UNC13C: variants seen among roughly 807,000 people sequenced by gnomAD.
The protein encoded by UNC13C is unc-13 homolog C.
A neutral mutation model predicts 245.4 loss-of-function variants in UNC13C; 174 were observed. The ratio of observed to expected loss-of-function variants is 0.71; its 90% CI spans 0.63 to 0.80. UNC13C has a LOEUF of 0.80. Ranked by LOEUF, UNC13C falls within the 30% of genes least tolerant of loss-of-function variation. The probability of loss-of-function intolerance (pLI) is 0.00; values close to 1 mark genes in which losing one functional copy is unlikely to be tolerated. For synonymous variants in UNC13C, 992 were observed against 895.1 expected (o/e 1.11, Z -1.93); for missense variants, 2,829 against 2,602.9 (o/e 1.09, Z -1.89).
At chr15:54,629,359 A>G (rs1901392055), downstream of UNC13C, 1 of 152,114 alleles carries the variant, frequency 6.6e-6, no homozygotes, top group Admixed American at 6.6e-5. Context: ...TGACAAAATA[A>G]TCTACACCAA....
chr15:54,584,328 A>G (rs1164435642), intron 30 of UNC13C, among the ~76,000 whole-genome samples: 2 of 152,244 alleles, frequency 1.3e-5, no homozygotes, highest in Non-Finnish European at 2.9e-5. Context: ...ATCTTGTAGT[A>G]TGCAGTTATG....
At chr15:54,146,257 G>A (rs1237537999) in intron 4 of UNC13C, among the ~76,000 whole-genome samples, 1 of 152,058 alleles carries the variant, frequency 6.6e-6, no homozygotes, top group Non-Finnish European at 1.5e-5. Context: ...TTGAAATACG[G>A]AGTCATTGCT....
chr15:54,040,088 C>G (rs1328819942), intron 2 of UNC13C, among the ~76,000 whole-genome samples: 1 of 152,010 alleles, frequency 6.6e-6, no homozygotes, highest in African/African-American at 2.4e-5. Flanking sequence ...CTTTCTTGTT[C>G]TTACTGCTGA....
chr15:54,050,861 G>T, intron 2 of UNC13C: 1 of 564,038 alleles, frequency 1.8e-6, no homozygotes, highest in Non-Finnish European at 3.6e-6. Flanking sequence ...TCTTAAAAGA[G>T]ATATCTTCAG....
chr15:54,355,923 A>G (rs1048541000), intron 17 of UNC13C, among the ~76,000 whole-genome samples: 2 of 152,170 alleles, frequency 1.3e-5, no homozygotes, highest in African/African-American at 4.8e-5. Context: ...ATATGTTTGT[A>G]TATATGAAGA....
At chr15:54,324,689 A>G (rs1567187863) in intron 14 of UNC13C, among the ~76,000 whole-genome samples, 1 of 152,050 alleles carries the variant, frequency 6.6e-6, no homozygotes, top group African/African-American at 2.4e-5. Flanking sequence ...AAGGTAAACT[A>G]TTTTGGGAAA....
chr15:54,156,665 G>T (rs2032760138), intron 4 of UNC13C, among the ~76,000 whole-genome samples: 1 of 151,920 alleles, frequency 6.6e-6, no homozygotes, highest in African/African-American at 2.4e-5. Context: ...CTGAGACTCA[G>T]ATTTGTCCAG....
rs111644429 is a variant in UNC13C, at chr15:54,352,649, A to C, written c.4713+14160A>C. On this transcript the variant is annotated intron_variant, in intron 17 of 32. Transcript: ENST00000260323. The stretch of plus-strand genomic sequence containing the variant: ...ATATGTATTTTTGCTATCACTCATA[A>C]GTGGTGTCTATATATAATCTCTGAT... 9.2e-5 allele frequency among the ~76,000 whole-genome samples: 14 copies of C among 152,098 alleles called. 1 individual carries two copies. Among genetic ancestry groups the C allele is most frequent in the African/African-American group, 2.9e-4 (12 of 41,532 alleles).
intron 30 of UNC13C, among the ~76,000 whole-genome samples, chr15:54,578,786 C>G (rs1898072465): frequency 6.6e-6 from 1 of 152,166 alleles, no homozygotes; most frequent in Non-Finnish European, 1.5e-5. Flanking sequence ...GGGAGAACTG[C>G]TTGAGGTCAG....
chr15:54,263,697 TAC>T (rs1171673568), intron 8 of UNC13C, among the ~76,000 whole-genome samples: 3 of 152,280 alleles, frequency 2.0e-5, no homozygotes, highest in Admixed American at 1.3e-4. Flanking sequence ...AGTAAAATCT[TAC>T]ATTCTATTTT....
intron 17 of UNC13C, among the ~76,000 whole-genome samples, chr15:54,355,732 G>T (rs1359754395): frequency 6.6e-6 from 1 of 152,008 alleles, no homozygotes; most frequent in African/African-American, 2.4e-5. Flanking sequence ...TAATTTAAAA[G>T]ATTTTTTTTT....
chr15:54,001,786 A>C (rs1261894660), intron 1 of UNC13C, among the ~76,000 whole-genome samples: 1 of 152,182 alleles, frequency 6.6e-6, no homozygotes, highest in African/African-American at 2.4e-5. Flanking sequence ...CTCCGTGGGG[A>C]CACGGCACAG....
intron 13 of UNC13C, among the ~76,000 whole-genome samples, chr15:54,318,824 A>G (rs1446648427): frequency 6.6e-6 from 1 of 151,902 alleles, no homozygotes; most frequent in Admixed American, 6.6e-5. Flanking sequence ...TCAAAAAAAT[A>G]ATTATGTCAT....
At chr15:54,602,917 C>T (rs1328318582) in intron 30 of UNC13C, among the ~76,000 whole-genome samples, 2 of 9,810 alleles carry the variant, frequency 2.0e-4, no homozygotes, top group African/African-American at 7.9e-3. Context: ...TGTGTTCCTG[C>T]AAGTTGGCCT....
chr15:54,449,445 C>A (rs143407352), intron 19 of UNC13C, among the ~76,000 whole-genome samples: 2 of 152,158 alleles, frequency 1.3e-5, no homozygotes, highest in Admixed American at 1.3e-4. Flanking sequence ...TTCGCACAGT[C>A]CCATATTTCC....
chr15:54,088,020 C>T (rs1899340535), intron 2 of UNC13C, among the ~76,000 whole-genome samples: 1 of 151,724 alleles, frequency 6.6e-6, no homozygotes, highest in South Asian at 2.1e-4. Flanking sequence ...ATTGAAATGC[C>T]TACAAGTAAC....
intron 19 of UNC13C, among the ~76,000 whole-genome samples, chr15:54,448,735 C>T (rs1264644950): frequency 6.6e-6 from 1 of 152,108 alleles, no homozygotes; most frequent in Non-Finnish European, 1.5e-5. Flanking sequence ...TCCAATTTGC[C>T]AGTCTGTGTC....
At chr15:54,172,722 A>AAATG (rs1434073469) in intron 4 of UNC13C, among the ~76,000 whole-genome samples, 1 of 26,048 alleles carries the variant, frequency 3.8e-5, no homozygotes, top group Non-Finnish European at 7.9e-5. Flanking sequence ...ATATATATAT[A>AAATG]TATATATATA....
At chr15:53,884,761 T>G in the UNC13C span, among the ~76,000 whole-genome samples, 3 of 152,208 alleles carry the variant, frequency 2.0e-5, no homozygotes, top group Non-Finnish European at 4.4e-5. Flanking sequence ...CTTACTCTTT[T>G]GGAATTTTAG....
Sources: allele counts gnomAD v4.1 joint callset (sites outside exome capture counted in the v4.1 genomes callset), GRCh38; gene constraint gnomAD v4.1.1; transcripts MANE v1.5; gene names NCBI Gene and HGNC (gene_info 2026-07-23, HGNC 2026-07-21).